The following ELK3 variants were observed in gnomAD, a reference collection of about 807,000 sequenced individuals.
ELK3 encodes ETS domain-containing protein Elk-3.
A neutral mutation model predicts 28.9 loss-of-function variants in ELK3; 10 were observed. That is an observed-to-expected ratio of 0.35 (90% CI 0.21 to 0.59). The LOEUF (loss-of-function observed/expected upper bound fraction) is 0.59. ELK3 is among the 20% of genes least tolerant of loss of function. The pLI, the probability that ELK3 is intolerant of heterozygous loss-of-function variation, is 0.82. For synonymous variants in ELK3, 272 were observed against 243.5 expected (o/e 1.12, Z -1.09); for missense variants, 463 against 517.3 (o/e 0.90, Z 1.02).
chr12:96,219,506 T>C (rs1280913927), intron 1 of ELK3, among the ~76,000 whole-genome samples: 1 of 152,160 alleles, frequency 6.6e-6, no homozygotes, highest in Non-Finnish European at 1.5e-5. Context: ...AAAATAGTTG[T>C]GTAAATTATG....
intron 3 of ELK3, among the ~76,000 whole-genome samples, chr12:96,249,088 T>C (rs374030802): frequency 1.3e-3 from 194 of 152,352 alleles, no homozygotes; most frequent in Middle Eastern, 3.4e-3. Context: ...GTGCTATTAT[T>C]ATCATCCTGT....
intron 2 of ELK3, among the ~76,000 whole-genome samples, chr12:96,235,251 C>T (rs960705355): frequency 2.2e-4 from 33 of 150,052 alleles, no homozygotes; most frequent in African/African-American, 8.1e-4. Flanking sequence ...TCCCCCTGCC[C>T]TTCTTGCCTG....
intron 2 of ELK3, among the ~76,000 whole-genome samples, chr12:96,243,744 G>A (rs1040003451): frequency 6.6e-6 from 1 of 152,044 alleles, no homozygotes; most frequent in Non-Finnish European, 1.5e-5. Context: ...CTCAGAGGCT[G>A]AGGCAGGAGA....
Position 96,247,640 on chromosome 12 carries a change from C to T in ELK3, c.908C>T (p.Pro303Leu), listed in dbSNP as rs536026245. 9.9e-5 allele frequency: 159 copies of T among 1,612,980 alleles called. No homozygotes were observed. The highest frequency in any genetic ancestry group is 1.6e-4 in the African/African-American group (12 of 75,052). ...KPKGLEISAP[P>L]LVLSGTDIGS... The stretch of plus-strand genomic sequence containing the variant: ...AAAGGCTTGGAAATCTCAGCGCCCC[C>T]GCTGGTGCTCTCCGGCACCGACATC... Residue 303 changes from proline to leucine, a missense_variant, in exon 3 of 5, where the codon CCG becomes CTG. Physicochemically the swap from Pro to Leu is moderately conservative, Grantham distance 98 (BLOSUM62 -3). This residue lies in a region of ELK3 where 408 missense variants were observed against 414.8 expected (regional missense o/e 0.98). Transcript: ENST00000228741. This position sits in a 1 kb window ranked among gnomAD's most constrained non-coding sequence, Gnocchi z 5.5.
chr12:96,194,544 GA>G lies in ELK3; in HGVS notation c.-155del, dbSNP rs1013793786. 15 of 147,974 alleles carry G rather than the reference GA, an allele frequency of 1.0e-4. No individual in the cohort carries two copies. Among genetic ancestry groups the G allele is most frequent in the East Asian group, 6.0e-4 (3 of 5,038 alleles). The allele number at this position is 147,974 out of a possible 1,614,324, so 9.2% of individuals were successfully genotyped here. A position where few individuals can be genotyped will look rare whatever the true frequency, so the allele number is the denominator to read the frequency against. On this transcript the variant is annotated 5_prime_UTR_variant, in exon 1 of 5. Coordinates refer to ENST00000228741, the MANE Select transcript of ELK3 (RefSeq NM_005230.4). The stretch of plus-strand genomic sequence containing the variant: ...TCCTGCTCTCACACACACCAGAGGG[GA>G]AAAAAAAAGAGGAGCGAGAGAAAGA...
chr12:96,233,108 G>C (rs1048178213), intron 2 of ELK3, among the ~76,000 whole-genome samples: 2 of 152,178 alleles, frequency 1.3e-5, no homozygotes, highest in African/African-American at 4.8e-5. Flanking sequence ...CAGGTACCAT[G>C]AATCTATTTC....
chr12:96,238,725 G>A (rs1450421089), intron 2 of ELK3, among the ~76,000 whole-genome samples: 1 of 152,238 alleles, frequency 6.6e-6, no homozygotes, highest in African/African-American at 2.4e-5. Context: ...GGCAGAGGCA[G>A]TTCTATTTCT....
chr12:96,198,937 A>T (rs1404028851), intron 1 of ELK3, among the ~76,000 whole-genome samples: 1 of 152,258 alleles, frequency 6.6e-6, no homozygotes, highest in Non-Finnish European at 1.5e-5. Context: ...TATTGATCTA[A>T]TAAATGTGTT....
chr12:96,253,248 G>A (rs1951921428), intron 3 of ELK3, among the ~76,000 whole-genome samples: 2 of 152,144 alleles, frequency 1.3e-5, no homozygotes, highest in Admixed American at 6.6e-5. Flanking sequence ...CAACAAGAGC[G>A]AAACTCGCAT....
Position 96,259,417 on chromosome 12 carries a change from G to T in ELK3, c.1003-314G>T, listed in dbSNP as rs995529380. ...AAATACAAAAATTAGTCGGTGGTGG[G>T]TGCCTGTAATCCCAGCTGCTTGGGA... On this transcript the variant is annotated intron_variant, in intron 3 of 4. Coordinates refer to ENST00000228741, the MANE Select transcript of ELK3 (RefSeq NM_005230.4). Among the ~76,000 whole-genome samples the T allele has an allele frequency of 3.3e-5, 5 of 151,922 alleles. No homozygotes were observed. The East Asian group carries it at 7.7e-4, about 23-fold the overall frequency.
intron 2 of ELK3, among the ~76,000 whole-genome samples, chr12:96,231,553 C>T (rs1177217661): frequency 2.0e-5 from 3 of 152,268 alleles, no homozygotes; most frequent in East Asian, 1.9e-4. Context: ...AGTGCAGTGG[C>T]GCGATCTCAG....
At chr12:96,236,498 G>A (rs1251138891) in intron 2 of ELK3, among the ~76,000 whole-genome samples, 1 of 152,192 alleles carries the variant, frequency 6.6e-6, no homozygotes, top group Non-Finnish European at 1.5e-5. Context: ...CCCGGGAGCC[G>A]ACAGAGTTGG....
intron 1 of ELK3, among the ~76,000 whole-genome samples, chr12:96,217,937 C>CA (rs34565681): frequency 0.062 from 5,287 of 85,538 alleles, 456 homozygotes; most frequent in East Asian, 0.28. Flanking sequence ...GACGCCGTCT[C>CA]AAAAAAAAAA....
intron 2 of ELK3, among the ~76,000 whole-genome samples, chr12:96,238,025 G>T (rs1202124425): frequency 6.6e-6 from 1 of 152,194 alleles, no homozygotes. Context: ...ACTCAGCTGG[G>T]AGCCTCGGGT....
At chr12:96,223,865 A>G in intron 2 of ELK3, 92 bp downstream of exon 2, 1 of 1,318,972 alleles carries the variant, frequency 7.6e-7, no homozygotes, top group South Asian at 1.3e-5. Context: ...GCGTGCTATG[A>G]ATCAAGTTAG....
chr12:96,232,700 A>G (rs1270117588), intron 2 of ELK3, among the ~76,000 whole-genome samples: 2 of 152,144 alleles, frequency 1.3e-5, no homozygotes, highest in Non-Finnish European at 2.9e-5. Flanking sequence ...GCTTGAGCCC[A>G]GGAGTTTTGA....
At chr12:96,257,104 C>T (rs1951955896) in intron 3 of ELK3, among the ~76,000 whole-genome samples, 1 of 152,234 alleles carries the variant, frequency 6.6e-6, no homozygotes, top group South Asian at 2.1e-4. Context: ...GAAAACAGCA[C>T]TTTTTGCTGT....
At chr12:96,245,485 G>A (rs1252937187) in intron 2 of ELK3, among the ~76,000 whole-genome samples, 1 of 152,092 alleles carries the variant, frequency 6.6e-6, no homozygotes, top group African/African-American at 2.4e-5. Flanking sequence ...ATCTAATGAG[G>A]TGCCTTATGT....
chr12:96,202,941 G>A, intron 1 of ELK3, among the ~76,000 whole-genome samples: 1 of 152,070 alleles, frequency 6.6e-6, no homozygotes, highest in Non-Finnish European at 1.5e-5. Flanking sequence ...AGTCTGGAGT[G>A]CAGTGATCTC....
Sources: gnomAD v4.1 joint callset for allele counts (sites outside exome capture counted in the v4.1 genomes callset) on GRCh38, gnomAD v4.1.1 for gene constraint, gnomAD v4.1.1 regional missense constraint, Gnocchi (gnomAD v3.1) non-coding constraint, MANE v1.5 for transcripts, NCBI Gene and HGNC (gene_info 2026-07-23, HGNC 2026-07-21) for gene names.